The following HSF1 variants were observed in gnomAD, a reference collection of about 807,000 sequenced individuals.
HSF1 encodes heat shock transcription factor 1, also known as heat shock factor protein 1.
In HSF1, 32 loss-of-function variants were observed where a neutral mutation model predicts 51.7. That is an observed-to-expected ratio of 0.62 (90% confidence interval 0.47 to 0.83). The LOEUF (loss-of-function observed/expected upper bound fraction) is 0.83, where lower values mean the gene tolerates loss of function less well. Ranked by LOEUF, HSF1 falls within the 40% of genes least tolerant of loss-of-function variation. The pLI is 0.00. For missense variants in HSF1, 727 were observed against 717.0 expected (o/e 1.01, Z -0.16); for synonymous variants, 396 against 309.7 (o/e 1.28, Z -2.92).
At position 144,314,222 on chromosome 8, in the gene HSF1, G is replaced by A. The variant is rs782449225; in HGVS notation, c.1482G>A (p.Leu494=). The change falls in exon 13 of 13, where the codon CTG becomes CTA. Residue 494 remains leucine, a synonymous_variant. Transcript: ENST00000528838. ...GSNDLPVLFE[L]GEGSYFSEGD... ...ACGACCTGCCGGTGCTGTTTGAGCT[G>A]GGAGAGGGCTCCTACTTCTCCGAAG... is the stretch of plus-strand genomic sequence containing the variant. 1.9e-6 allele frequency: 3 copies of A among 1,550,268 alleles called. No homozygotes were observed. Among genetic ancestry groups the A allele is most frequent in the Non-Finnish European group, 1.7e-6 (2 of 1,146,932 alleles).
In HSF1 at chr8:144,311,158, G is replaced by T; in HGVS notation, c.489-16G>T. 6.3e-7 allele frequency: 1 copy of T among 1,587,262 alleles called. No homozygotes were observed. The highest frequency in any genetic ancestry group is 8.6e-7 in the Non-Finnish European group (1 of 1,167,368). On this transcript the variant is annotated splice_polypyrimidine_tract_variant and intron_variant, in intron 4 of 12. Coordinates refer to ENST00000528838, the MANE Select transcript of HSF1 (RefSeq NM_005526.4). ...CATGGGATTGGGCCCCACTGACCCA[G>T]CCTGGTCTGTTGCAGTGAGAATGAG...
chr8:144,313,206 CTG>C (rs1554845395), intron 9 of HSF1: 1 of 431,440 alleles, frequency 2.3e-6, no homozygotes, highest in East Asian at 4.2e-5. Context: ...ACCCTGAACA[CTG>C]AAATCCCTGA....
intron 9 of HSF1, 67 bp from the exon 10 acceptor site, chr8:144,313,444 C>G: frequency 9.4e-7 from 1 of 1,061,708 alleles, no homozygotes; most frequent in Non-Finnish European, 1.5e-6. Flanking sequence ...GAGCCCTTCT[C>G]CCACAGGAGG....
intron 9 of HSF1, chr8:144,313,258 T>G: frequency 1.9e-6 from 1 of 515,690 alleles, no homozygotes; most frequent in Non-Finnish European, 3.5e-6. Flanking sequence ...GTCTCCTGGG[T>G]CCACTGCCAC....
rs782540831 is a variant in HSF1 at position 144,306,278 on chromosome 8, C to CTT, written c.118-2616_118-2615dup. ...TTTGGGGACAGTTTCTATTGATTGC[C>CTT]TTTTTTTTTTTTTCCCGTGTATGGG... On this transcript the variant is annotated intron_variant, in intron 1 of 12. Coordinates refer to ENST00000528838, the MANE Select transcript of HSF1 (RefSeq NM_005526.4). 9.3e-5 allele frequency among the ~76,000 whole-genome samples: 13 copies of CTT among 139,484 alleles called. No homozygotes were observed. The South Asian group carries it at 2.9e-3, about 31-fold the overall frequency. 91.5% of individuals were successfully genotyped at this position (139,484 alleles called of 152,430 possible).
Position 144,313,506 on chromosome 8 carries a change from G to T in HSF1, c.1143-5G>T. On this transcript the variant is annotated splice_polypyrimidine_tract_variant and splice_region_variant and intron_variant, in intron 9 of 12. Coordinates refer to ENST00000528838, the MANE Select transcript of HSF1 (RefSeq NM_005526.4). ...TGGTTCAGGTACCGCCTTATCCCGG[G>T]CCAGGAATGAGCTCAGTGACCACTT... is the stretch of plus-strand genomic sequence containing the variant. The T allele has an allele frequency of 1.2e-6, 2 of 1,600,428 alleles. No homozygotes were observed. Among genetic ancestry groups the T allele is most frequent in the East Asian group, 2.2e-5 (1 of 44,782 alleles).
chr8:144,300,177 C>T (rs1815759630), intron 1 of HSF1, among the ~76,000 whole-genome samples: 2 of 150,824 alleles, frequency 1.3e-5, no homozygotes, highest in Non-Finnish European at 2.9e-5. Flanking sequence ...CCATGCTCAC[C>T]ATCAGCAGTG....
At chr8:144,295,136 G>A (rs1815370816) in intron 1 of HSF1, among the ~76,000 whole-genome samples, 1 of 152,214 alleles carries the variant, frequency 6.6e-6, no homozygotes, top group African/African-American at 2.4e-5. Context: ...TCGTCTGCAT[G>A]CAGCAGCTCC....
chr8:144,309,963 G>GTGGGGGCAGGGCCCTGAC (rs1474482030), intron 4 of HSF1, 67 bp downstream of exon 4: 2 of 1,564,034 alleles, frequency 1.3e-6, no homozygotes, highest in African/African-American at 2.7e-5. Context: ...CCCGGGTGCT[G>GTGGGGGCAGGGCCCTGAC]TGGGGGCAGG....
chr8:144,294,180 C>G (rs1180346993), intron 1 of HSF1, among the ~76,000 whole-genome samples: 1 of 152,144 alleles, frequency 6.6e-6, no homozygotes, highest in Non-Finnish European at 1.5e-5. Context: ...TGACTTAAAA[C>G]TGGAAGGAAG....
In HSF1 at chr8:144,308,721, C is replaced by A. The variant is rs142482680; in HGVS notation, c.118-185C>A. ...CAGGTCACGCTGCACAGATGAGGCC[C>A]GTGTGGCAGGTGGTCCCAGGAACGA... On this transcript the variant is annotated intron_variant, in intron 1 of 12. Coordinates refer to ENST00000528838, the MANE Select transcript of HSF1 (RefSeq NM_005526.4). Among the ~76,000 whole-genome samples the A allele has an allele frequency of 8.6e-3, 1,316 of 152,334 alleles. 17 individuals are homozygous for A. Among genetic ancestry groups the A allele is most frequent in the African/African-American group, 0.03 (1,262 of 41,570 alleles).
Position 144,311,740 on chromosome 8 carries a change from C to G in HSF1, c.764C>G (p.Pro255Arg). 1 of 1,612,970 alleles carries G rather than the reference C, an allele frequency of 6.2e-7. No homozygotes were observed. The highest frequency in any genetic ancestry group is 8.5e-7 in the Non-Finnish European group (1 of 1,179,774). Residue 255 changes from proline (P) to arginine (R), a missense_variant, in exon 8 of 13, where the codon CCT (proline) becomes CGT (arginine). By Grantham distance (103) the Pro-to-Arg change is moderately radical. This residue lies in a region of HSF1 where 470 missense variants were observed against 398.8 expected (regional missense o/e 1.18). Coordinates refer to ENST00000528838, the MANE Select transcript of HSF1 (RefSeq NM_005526.4). ...PAYSSSSLYA[P>R]DAVASSGPII... ...TACAGCAGCTCCAGCCTCTACGCCC[C>G]TGATGCTGTGGCCAGCTCTGGACCC...
chr8:144,313,814 G>A (rs782258307), intron 10 of HSF1, 32 bp from the exon 11 acceptor site: 4 of 1,476,680 alleles, frequency 2.7e-6, no homozygotes, highest in Admixed American at 1.9e-5. Context: ...CCGCCCCCGG[G>A]TGCTGTTCTG....
chr8:144,307,381 C>T (rs538105583), intron 1 of HSF1, among the ~76,000 whole-genome samples: 12 of 152,358 alleles, frequency 7.9e-5, no homozygotes, highest in African/African-American at 2.4e-4. Context: ...GGACGCTGTT[C>T]CCACGGGGAC....
At chr8:144,305,281 G>C (rs1219571367) in intron 1 of HSF1, among the ~76,000 whole-genome samples, 1 of 151,422 alleles carries the variant, frequency 6.6e-6, no homozygotes, top group Non-Finnish European at 1.5e-5. Context: ...ACAGGTCTCT[G>C]AGGCTCTGCT....
chr8:144,294,820 T>G, intron 1 of HSF1, among the ~76,000 whole-genome samples: 1 of 150,846 alleles, frequency 6.6e-6, no homozygotes, highest in East Asian at 2.0e-4. Flanking sequence ...GCAAGGGCCT[T>G]GAGGGGACCC....
intron 10 of HSF1, 54 bp downstream of exon 10, chr8:144,313,670 C>CTCCCCGCACCGCCTCCCCGCG (rs1564625648): frequency 8.3e-6 from 1 of 120,894 alleles, no homozygotes; most frequent in Non-Finnish European, 1.5e-5. Flanking sequence ...GCCGCGCCGC[C>CTCCCCGCACCGCCTCCCCGCG]CCGCCTCCCC....
At chr8:144,310,091 T>G in intron 4 of HSF1, 195 bp downstream of exon 4, 1 of 630,354 alleles carries the variant, frequency 1.6e-6, no homozygotes, top group Admixed American at 3.0e-5. Context: ...CCAGCCGTTT[T>G]CCATGTGCAG....
Position 144,312,140 on chromosome 8 carries a change from A to G in HSF1, c.1038A>G (p.Thr346=). ...GTGAACCTGCCCCCGCCTCCGTCACAGCCCTCACGGACGCCAGGGGCCACA... is the reference window on the plus strand; with the variant it reads ...GTGAACCTGCCCCCGCCTCCGTCACGGCCCTCACGGACGCCAGGGGCCACA... ...RESEPAPASV[T]ALTDARGHTD... Residue 346 remains threonine (T), a synonymous_variant, in exon 9 of 13, where the codon ACA becomes ACG. Coordinates refer to ENST00000528838, the MANE Select transcript of HSF1 (RefSeq NM_005526.4). 3 of 1,611,506 alleles carry G rather than the reference A, an allele frequency of 1.9e-6. No individual in the cohort carries two copies. Among genetic ancestry groups the G allele is most frequent in the Non-Finnish European group, 2.5e-6 (3 of 1,179,364 alleles).
Sources: allele counts gnomAD v4.1 joint callset (sites outside exome capture counted in the v4.1 genomes callset), GRCh38; gene constraint gnomAD v4.1.1; regional missense constraint gnomAD v4.1.1; transcripts MANE v1.5; gene names NCBI Gene and HGNC (gene_info 2026-07-23, HGNC 2026-07-21).